The following MCF2L2 variants were observed in gnomAD, a reference collection of about 807,000 sequenced individuals.
MCF2L2 encodes the protein probable guanine nucleotide exchange factor MCF2L2.
Under a neutral mutation model 150.2 loss-of-function variants are expected in MCF2L2, and 102 were observed. The observed-to-expected ratio is 0.68, with a 90% CI of 0.58 to 0.80. MCF2L2 has a LOEUF of 0.80. Ranked by LOEUF, MCF2L2 falls within the 30% of genes least tolerant of loss-of-function variation. The probability of loss-of-function intolerance (pLI) is 0.00; values close to 1 mark genes in which losing one functional copy is unlikely to be tolerated. For missense variants in MCF2L2, 1,256 were observed against 1,372.8 expected, an observed-to-expected ratio of 0.91 and a Z score of 1.34; for synonymous variants, 465 against 491.3, an observed-to-expected ratio of 0.95 and a Z score of 0.71.
chr3:183,368,663 C>G (rs1712680911), intron 3 of MCF2L2, among the ~76,000 whole-genome samples: 1 of 152,174 alleles, frequency 6.6e-6, no homozygotes, highest in African/African-American at 2.4e-5. Flanking sequence ...ACTCAGGAGG[C>G]TGAGGCAGGA....
At chr3:183,419,044 T>A (rs1216666996) in intron 1 of MCF2L2, among the ~76,000 whole-genome samples, 1 of 152,204 alleles carries the variant, frequency 6.6e-6, no homozygotes, top group Non-Finnish European at 1.5e-5. Flanking sequence ...TTTCCATACA[T>A]CCTCTGAAAT....
At chr3:183,221,242 G>A (rs1333607354) in intron 20 of MCF2L2, among the ~76,000 whole-genome samples, 4 of 152,112 alleles carry the variant, frequency 2.6e-5, no homozygotes, top group Admixed American at 6.5e-5. Context: ...CAGACCCCCC[G>A]CAAAATATTT....
intron 26 of MCF2L2, among the ~76,000 whole-genome samples, chr3:183,193,496 G>A (rs879932832): frequency 2.0e-5 from 3 of 151,986 alleles, no homozygotes; most frequent in East Asian, 1.9e-4. Context: ...GACTACATGC[G>A]TGTGCCACCA....
In MCF2L2 at chr3:183,389,790, G is replaced by A; in HGVS notation, c.77-11C>T. The A allele has an allele frequency of 1.2e-6, 2 of 1,607,390 alleles. No homozygotes were observed. The highest frequency in any genetic ancestry group is 1.7e-4 in the Middle Eastern group (1 of 6,050). ...GCTGCATAATTTCATCTGCACAAAT[G>A]AAATACAAAGTGGGTTAGTTAAACA... On this transcript the variant is annotated splice_polypyrimidine_tract_variant and intron_variant, in intron 1 of 29. Transcript: ENST00000328913.
intron 15 of MCF2L2, chr3:183,254,547 G>T (rs892306973): frequency 1.4e-4 from 21 of 152,110 alleles, no homozygotes; most frequent in Non-Finnish European, 2.5e-4. Context: ...GCGGCTTCCC[G>T]GGGCCTGCGG....
In MCF2L2 at chr3:183,289,229, AC is replaced by A; in HGVS notation, c.1676-10del. ...AGGACGAGCTAGAGGGACTAAGAGA[AC>A]CTGCCATTAGTGTGGTTATTTAACT... On this transcript the variant is annotated splice_polypyrimidine_tract_variant and intron_variant, in intron 13 of 29. Transcript: ENST00000328913. 6.4e-7 allele frequency: 1 copy of A among 1,568,718 alleles called. No individual in the cohort carries two copies. Among genetic ancestry groups the A allele is most frequent in the Non-Finnish European group, 8.8e-7 (1 of 1,140,482 alleles).
intron 27 of MCF2L2, among the ~76,000 whole-genome samples, chr3:183,182,153 C>A (rs1721547764): frequency 6.6e-6 from 1 of 152,156 alleles, no homozygotes; most frequent in Non-Finnish European, 1.5e-5. Context: ...CTAGCCCATT[C>A]CCTGCCTCCA....
chr3:183,195,898 G>A (rs978238464), intron 25 of MCF2L2, among the ~76,000 whole-genome samples: 7 of 152,280 alleles, frequency 4.6e-5, no homozygotes, highest in African/African-American at 7.2e-5. Context: ...TTTTACTACC[G>A]ATGTGACTGC....
chr3:183,212,981 GA>G (rs1722791088), intron 22 of MCF2L2, among the ~76,000 whole-genome samples: 1 of 150,866 alleles, frequency 6.6e-6, no homozygotes. Flanking sequence ...GGTGGGGAAT[GA>G]AGAAGATACT....
At position 183,270,136 on chromosome 3, in the gene MCF2L2, A is replaced by C. The variant is rs781255035; in HGVS notation, c.1862+6736T>G. ...TCCGGAATTAGAAGGACGTGGGGCA[A>C]TGAAAATTATGTTCGGTCTCAGCTG... On this transcript the variant is annotated intron_variant, in intron 15 of 29. Coordinates refer to ENST00000328913, the MANE Select transcript of MCF2L2 (RefSeq NM_015078.4). This position sits in a 1 kb window ranked among gnomAD's most constrained non-coding sequence, Gnocchi z 4.5. 6.2e-7 allele frequency: 1 copy of C among 1,614,012 alleles called. No homozygotes were observed. Among genetic ancestry groups the C allele is most frequent in the African/African-American group, 1.3e-5 (1 of 74,922 alleles).
chr3:183,220,445 A>G (rs1487996012), intron 20 of MCF2L2, among the ~76,000 whole-genome samples: 1 of 152,210 alleles, frequency 6.6e-6, no homozygotes, highest in African/African-American at 2.4e-5. Flanking sequence ...GTTATATCTT[A>G]TAGATAAACC....
rs1722115909 is a variant in MCF2L2 at position 183,197,543 on chromosome 3, T to C, written c.2885-2288A>G. Reference sequence around the variant, plus strand: ...TGGAAGAAAACACAGGGAGAAAATCTTTATGGCTTTTAGATAACGATTTCT... The same window carrying C: ...TGGAAGAAAACACAGGGAGAAAATCCTTATGGCTTTTAGATAACGATTTCT... On this transcript the variant is annotated intron_variant, in intron 25 of 29. Coordinates refer to ENST00000328913, the MANE Select transcript of MCF2L2 (RefSeq NM_015078.4). The surrounding 1 kb of genome is among the most constrained non-coding windows in gnomAD (Gnocchi z 4.5). 6.6e-6 allele frequency among the ~76,000 whole-genome samples: 1 copy of C among 152,170 alleles called. No homozygotes were observed. Among genetic ancestry groups the C allele is most frequent in the Non-Finnish European group, 1.5e-5 (1 of 68,016 alleles).
chr3:183,217,750 C>T (rs1722998273), intron 21 of MCF2L2, among the ~76,000 whole-genome samples: 1 of 152,192 alleles, frequency 6.6e-6, no homozygotes, highest in African/African-American at 2.4e-5. Flanking sequence ...CCCCACATTG[C>T]ACCACCATTA....
chr3:183,361,012 A>G (rs1428580790), intron 3 of MCF2L2, among the ~76,000 whole-genome samples: 105 of 127,112 alleles, frequency 8.3e-4, no homozygotes, highest in African/African-American at 2.6e-3. Flanking sequence ...AGAAAAGAAA[A>G]GAAAAGAAAA....
chr3:183,403,653 CTT>C (rs1032116720), intron 1 of MCF2L2, among the ~76,000 whole-genome samples: 2 of 152,216 alleles, frequency 1.3e-5, no homozygotes, highest in Non-Finnish European at 2.9e-5. Flanking sequence ...TCGAAGGAAT[CTT>C]TTGTTGAAGA....
chr3:183,389,983 C>A (rs1244051784), intron 1 of MCF2L2, among the ~76,000 whole-genome samples: 1 of 152,154 alleles, frequency 6.6e-6, no homozygotes, highest in Non-Finnish European at 1.5e-5. Context: ...TGCATCTGAG[C>A]GTGGAACACA....
At chr3:183,334,522 T>G (rs1179865823) in intron 5 of MCF2L2, among the ~76,000 whole-genome samples, 1 of 151,980 alleles carries the variant, frequency 6.6e-6, no homozygotes, top group Non-Finnish European at 1.5e-5. Flanking sequence ...GCATGGTGAC[T>G]CACGCCTGTA....
chr3:183,394,871 G>C (rs563924060), intron 1 of MCF2L2, among the ~76,000 whole-genome samples: 2 of 152,226 alleles, frequency 1.3e-5, no homozygotes, highest in South Asian at 2.1e-4. Flanking sequence ...AGAACCTCAG[G>C]GAGTGAAGCA....
intron 15 of MCF2L2, among the ~76,000 whole-genome samples, chr3:183,233,943 A>C (rs1017225851): frequency 6.6e-6 from 1 of 152,230 alleles, no homozygotes; most frequent in Non-Finnish European, 1.5e-5. Flanking sequence ...TACTTGTATA[A>C]GACAAGACTG....
Sources: allele counts gnomAD v4.1 joint callset (sites outside exome capture counted in the v4.1 genomes callset), GRCh38; gene constraint gnomAD v4.1.1; non-coding constraint Gnocchi (gnomAD v3.1); transcripts MANE v1.5; gene names NCBI Gene and HGNC (gene_info 2026-07-23, HGNC 2026-07-21).